Variants in DHTKD1 observed in about 807,000 individuals in gnomAD.
The protein encoded by DHTKD1 is 2-oxoadipate dehydrogenase complex component E1.
A neutral mutation model predicts 101.8 loss-of-function variants in DHTKD1; 78 were observed. The observed-to-expected ratio is 0.77, with a 90% CI of 0.64 to 0.93. The LOEUF is 0.93. DHTKD1 is among the 40% of genes least tolerant of loss of function. The pLI, the probability that DHTKD1 is intolerant of heterozygous loss-of-function variation, is 0.00. For synonymous variants in DHTKD1, 462 were observed against 450.3 expected (o/e 1.03, Z -0.33); for missense variants, 1,223 against 1,161.7 (o/e 1.05, Z -0.77).
intron 6 of DHTKD1, among the ~76,000 whole-genome samples, chr10:12,092,724 A>G (rs1016503412): frequency 6.6e-6 from 1 of 151,764 alleles, no homozygotes; most frequent in African/African-American, 2.4e-5. Flanking sequence ...AATCACTTGA[A>G]CCTGGGAGGC....
At chr10:12,093,214 T>C (rs1833018495) in intron 6 of DHTKD1, among the ~76,000 whole-genome samples, 1 of 152,092 alleles carries the variant, frequency 6.6e-6, no homozygotes, top group Admixed American at 6.6e-5. Flanking sequence ...CAGCTAAATT[T>C]TGTGTTTTTA....
At chr10:12,119,346 T>C (rs1833477620) in intron 15 of DHTKD1, among the ~76,000 whole-genome samples, 1 of 150,272 alleles carries the variant, frequency 6.7e-6, no homozygotes, top group Non-Finnish European at 1.5e-5. Context: ...CGGGGCGCGG[T>C]GCCTCACGCC....
At chr10:12,099,935 A>G (rs1739997642) in intron 8 of DHTKD1, among the ~76,000 whole-genome samples, 1 of 151,150 alleles carries the variant, frequency 6.6e-6, no homozygotes, top group African/African-American at 2.4e-5. Flanking sequence ...AGCTGGTATC[A>G]TAGAGACACG....
intron 7 of DHTKD1, among the ~76,000 whole-genome samples, chr10:12,096,159 A>C (rs1221251720): frequency 6.6e-6 from 1 of 152,106 alleles, no homozygotes; most frequent in Non-Finnish European, 1.5e-5. Flanking sequence ...CGGAGGGGGA[A>C]TTTGTTACTT....
At chr10:12,083,283 G>A (rs1161007211) in intron 2 of DHTKD1, among the ~76,000 whole-genome samples, 1 of 98,462 alleles carries the variant, frequency 1.0e-5, no homozygotes, top group African/African-American at 2.6e-5. Flanking sequence ...CTAATGAGCT[G>A]CAAAAAAAAA....
chr10:12,083,360 G>C (rs776467463), intron 2 of DHTKD1, among the ~76,000 whole-genome samples: 3 of 152,030 alleles, frequency 2.0e-5, no homozygotes, highest in Admixed American at 6.6e-5. Flanking sequence ...ATTCAAAGCT[G>C]TCCTGGGCCA....
At chr10:12,118,599 G>GGC (rs1833460840) in intron 14 of DHTKD1, 150 bp from the exon 15 acceptor site, 1 of 438,244 alleles carries the variant, frequency 2.3e-6, no homozygotes, top group African/African-American at 2.0e-5. Context: ...AGCCAGGATG[G>GGC]TCTTGATTTC....
chr10:12,111,045 CAA>C (rs35420105), intron 12 of DHTKD1, among the ~76,000 whole-genome samples: 27 of 100,714 alleles, frequency 2.7e-4, no homozygotes, highest in Admixed American at 4.6e-4. Context: ...GACCCTGTCT[CAA>C]AAAAAAAAAA....
intron 14 of DHTKD1, 82 bp from the exon 15 acceptor site, chr10:12,118,667 C>T (rs1833463819): frequency 6.6e-6 from 8 of 1,216,918 alleles, no homozygotes; most frequent in Non-Finnish European, 8.8e-6. Flanking sequence ...CAGGCGTGAG[C>T]TACTGCACCT....
chr10:12,105,113 G>A (rs757500387), intron 10 of DHTKD1, among the ~76,000 whole-genome samples: 13 of 151,982 alleles, frequency 8.6e-5, no homozygotes, highest in Non-Finnish European at 1.6e-4. Flanking sequence ...TCCTGCTTTG[G>A]CCTCCCAAAG....
At chr10:12,114,743 C>G (rs1250937033) in intron 13 of DHTKD1, among the ~76,000 whole-genome samples, 2 of 151,660 alleles carry the variant, frequency 1.3e-5, no homozygotes, top group South Asian at 2.1e-4. Context: ...AGAAAAGCTG[C>G]GAGTGATTTG....
chr10:12,111,192 G>A (rs9787698), intron 12 of DHTKD1, among the ~76,000 whole-genome samples: 135,232 of 152,174 alleles, frequency 0.89, 60,173 homozygotes, highest in East Asian at 0.98. Context: ...TTGTGATGGC[G>A]TCTTGCTCTG....
rs1833357606 is a variant in DHTKD1, at chr10:12,112,969, C to T, written c.2224C>T (p.Pro742Ser). Reference protein sequence around the residue: ...VNMFVVHPTTPAQYFHLLRRQ... With the variant: ...VNMFVVHPTTSAQYFHLLRRQ... ...CATGTTTGTGGTTCACCCAACAACT[C>T]CTGCACAGTATTTCCACTTGCTTAG... The change falls in exon 13 of 17, where the codon CCT (proline) becomes TCT (serine). Residue 742 changes from proline to serine, a missense_variant. By Grantham distance (74) the Pro-to-Ser change is moderately conservative (BLOSUM62 -1). Transcript: ENST00000263035. The T allele has an allele frequency of 1.2e-6, 2 of 1,613,846 alleles. No individual in the cohort carries two copies. The highest frequency in any genetic ancestry group is 1.3e-5 in the African/African-American group (1 of 74,928).
intron 1 of DHTKD1, among the ~76,000 whole-genome samples, chr10:12,071,191 TC>T (rs1832644767): frequency 6.6e-6 from 1 of 152,152 alleles, no homozygotes; most frequent in African/African-American, 2.4e-5. Context: ...CTTCTTTCCT[TC>T]CCCTTACGGT....
rs191072261 is a variant in DHTKD1, at chr10:12,091,469, A to T, written c.988-44A>T. The T allele has an allele frequency of 4.0e-4, 490 of 1,235,776 alleles. 7 individuals carry two copies. The East Asian group carries it at 0.012, about 29-fold the overall frequency. The allele number at this position is 1,235,776 out of a possible 1,614,324, so 76.6% of individuals were successfully genotyped here. ...GAAAACCTAGATTTCTTAATCCCTT[A>T]TGTTTCTTTTCTCCCCACCCGCTCC... On this transcript the variant is annotated intron_variant, in intron 5 of 16. Coordinates refer to ENST00000263035, the MANE Select transcript of DHTKD1 (RefSeq NM_018706.7).
In DHTKD1 at chr10:12,104,849, A is replaced by G. The variant is rs555873128; in HGVS notation, c.1897-1397A>G. Among the ~76,000 whole-genome samples the G allele has an allele frequency of 5.3e-5, 8 of 151,498 alleles. No homozygotes were observed. In the East Asian group the frequency reaches 1.6e-3, roughly 29 times the overall value. ...ATGAACACAGACATGACTACCATGT[A>G]TTTCTCAAACCAAGATCAACAATTT... On this transcript the variant is annotated intron_variant, in intron 10 of 16. Transcript: ENST00000263035.
In DHTKD1 at chr10:12,118,919, G is replaced by A. The variant is rs776390640; in HGVS notation, c.2572+1G>A. ...ATGAGCAAATACAAACATGTTAAAGGTAAGAGGTTGTTCTCATTTGGGTTT... is the reference window on the plus strand; with the variant it reads ...ATGAGCAAATACAAACATGTTAAAGATAAGAGGTTGTTCTCATTTGGGTTT... On this transcript the variant is annotated splice_donor_variant, in intron 15 of 16. Coordinates refer to ENST00000263035, the MANE Select transcript of DHTKD1 (RefSeq NM_018706.7). LOFTEE classifies it high-confidence loss of function. 27 of 1,538,992 alleles carry A rather than the reference G, an allele frequency of 1.8e-5. No homozygotes were observed. Among genetic ancestry groups the A allele is most frequent in the East Asian group, 2.4e-5 (1 of 41,070 alleles).
At chr10:12,074,651 G>A (rs1832699777) in intron 1 of DHTKD1, among the ~76,000 whole-genome samples, 1 of 44,712 alleles carries the variant, frequency 2.2e-5, no homozygotes, top group African/African-American at 9.2e-5. Context: ...AGCTACCGCG[G>A]GTCTTGCTAT....
rs1173372764 is a variant in DHTKD1 at position 12,087,989 on chromosome 10, C to T, written c.717+260C>T. 1.3e-5 allele frequency among the ~76,000 whole-genome samples: 2 copies of T among 152,102 alleles called. No homozygotes were observed. Among genetic ancestry groups the T allele is most frequent in the Non-Finnish European group, 2.9e-5 (2 of 68,030 alleles). ...TTAGCCAAGCATGGTGGCACGCACCCGTGTTCCCAGCTACTCAGGAGACTG... is the reference window on the plus strand; with the variant it reads ...TTAGCCAAGCATGGTGGCACGCACCTGTGTTCCCAGCTACTCAGGAGACTG... On this transcript the variant is annotated intron_variant, in intron 4 of 16. Coordinates refer to ENST00000263035, the MANE Select transcript of DHTKD1 (RefSeq NM_018706.7). This position sits in a 1 kb window ranked among gnomAD's most constrained non-coding sequence, Gnocchi z 5.2.
Sources: allele counts gnomAD v4.1 joint callset (sites outside exome capture counted in the v4.1 genomes callset), GRCh38; gene constraint gnomAD v4.1.1; non-coding constraint Gnocchi (gnomAD v3.1); transcripts MANE v1.5; gene names NCBI Gene and HGNC (gene_info 2026-07-23, HGNC 2026-07-21).